VANGL1: variants seen among roughly 807,000 people sequenced by gnomAD.
VANGL1 encodes vang-like protein 1.
In VANGL1, 18 loss-of-function variants were observed where a neutral mutation model predicts 48.4. The ratio of observed to expected loss-of-function variants is 0.37; its 90% CI spans 0.26 to 0.55. The LOEUF (loss-of-function observed/expected upper bound fraction) is 0.55, where lower values mean the gene tolerates loss of function less well. Ranked by LOEUF, VANGL1 falls within the 20% of genes least tolerant of loss-of-function variation. VANGL1 has a pLI of 0.81. For synonymous variants in VANGL1, 257 were observed against 261.8 expected, an observed-to-expected ratio of 0.98 and a Z score of 0.18; for missense variants, 667 against 675.8, an observed-to-expected ratio of 0.99 and a Z score of 0.14.
At chr1:115,682,599 C>A in intron 5 of VANGL1, 102 bp downstream of exon 5, 2 of 1,537,872 alleles carry the variant, frequency 1.3e-6, no homozygotes, top group South Asian at 2.3e-5. Context: ...CTGGGCCTAC[C>A]TTTATGGTAC....
At chr1:115,684,549 A>G (rs756689709) in intron 6 of VANGL1, among the ~76,000 whole-genome samples, 14 of 152,168 alleles carry the variant, frequency 9.2e-5, no homozygotes, top group Admixed American at 4.6e-4. Flanking sequence ...TGTTTCTCAA[A>G]CTGAAGCCTG....
chr1:115,686,852 C>G (rs555429786), intron 7 of VANGL1, among the ~76,000 whole-genome samples: 4 of 151,730 alleles, frequency 2.6e-5, no homozygotes, highest in African/African-American at 2.4e-5. Flanking sequence ...TTCCTCTACA[C>G]TTGTTTACTG....
At chr1:115,650,326 GACAGA>G (rs1652093664) in intron 1 of VANGL1, among the ~76,000 whole-genome samples, 1 of 152,194 alleles carries the variant, frequency 6.6e-6, no homozygotes, top group African/African-American at 2.4e-5. Flanking sequence ...TGCAGAAAGA[GACAGA>G]ACTTGTGGAT....
chr1:115,658,000 C>T (rs1652411236), intron 2 of VANGL1, among the ~76,000 whole-genome samples: 1 of 152,204 alleles, frequency 6.6e-6, no homozygotes, highest in Non-Finnish European at 1.5e-5. Context: ...CATGAGGGGT[C>T]TGTCCCCATG....
At chr1:115,653,432 T>C (rs909214743) in intron 2 of VANGL1, among the ~76,000 whole-genome samples, 7 of 152,232 alleles carry the variant, frequency 4.6e-5, no homozygotes, top group Non-Finnish European at 1.0e-4. Context: ...ATACCAATTT[T>C]GTTTAGCACT....
At chr1:115,645,006 T>C (rs1292956210) in intron 1 of VANGL1, among the ~76,000 whole-genome samples, 2 of 152,190 alleles carry the variant, frequency 1.3e-5, no homozygotes, top group Non-Finnish European at 2.9e-5. Context: ...GCCCAGCAGA[T>C]CCTCACATCA....
intron 2 of VANGL1, among the ~76,000 whole-genome samples, chr1:115,652,390 G>A (rs980216991): frequency 6.6e-6 from 1 of 152,206 alleles, no homozygotes; most frequent in African/African-American, 2.4e-5. Flanking sequence ...AGGTGGCACT[G>A]TACCAGTTAG....
chr1:115,642,128 C>G (rs1171737088), intron 1 of VANGL1, 42 bp downstream of exon 1: 1 of 151,732 alleles, frequency 6.6e-6, no homozygotes, highest in Non-Finnish European at 1.5e-5. Flanking sequence ...GCGGCGGTCC[C>G]CGGGGCAGAC....
At chr1:115,647,980 A>G (rs532488278) in intron 1 of VANGL1, among the ~76,000 whole-genome samples, 1 of 152,342 alleles carries the variant, frequency 6.6e-6, no homozygotes, top group African/African-American at 2.4e-5. Context: ...GCTGTGTTCA[A>G]GGAGCTTCTG....
At position 115,689,836 on chromosome 1, in the gene VANGL1, A is replaced by G. The variant is rs1328891781; in HGVS notation, c.1315-1283A>G. Among the ~76,000 whole-genome samples the G allele has an allele frequency of 3.7e-5, 5 of 136,498 alleles. 1 individual carries two copies. The highest frequency in any genetic ancestry group is 8.0e-5 in the Non-Finnish European group (5 of 62,726). 89.5% of individuals were successfully genotyped at this position (136,498 alleles called of 152,430 possible). A position where few individuals can be genotyped will look rare whatever the true frequency, so the allele number is the denominator to read the frequency against. On this transcript the variant is annotated intron_variant, in intron 7 of 7. Transcript: ENST00000355485. The stretch of plus-strand genomic sequence containing the variant: ...CCAGGTGTGGTGACACATGCCTCTA[A>G]TCCCAGCTACTTAGGAGGCTGAGGC...
rs1451797845 is a variant in VANGL1, at chr1:115,671,562, T to G, written c.812+7294T>G. ...CGAGTCCATATCTAAATCTTTTTCTTAGAGCACCCTAAGCAGGCTGCTGTC... is the reference window on the plus strand; with the variant it reads ...CGAGTCCATATCTAAATCTTTTTCTGAGAGCACCCTAAGCAGGCTGCTGTC... On this transcript the variant is annotated intron_variant, in intron 4 of 7. Coordinates refer to ENST00000355485, the MANE Select transcript of VANGL1 (RefSeq NM_138959.3). Among the ~76,000 whole-genome samples the G allele has an allele frequency of 3.3e-5, 5 of 152,204 alleles. No individual in the cohort carries two copies. In the East Asian group the frequency reaches 9.6e-4, roughly 29 times the overall value.
rs550249086 is a variant in VANGL1 at position 115,660,670 on chromosome 1, G to T, written c.204+897G>T. ...AGCCTTGCCCCTCATAAACAAAGTG[G>T]TGTATGATACACAGCTGTAAAGATA... On this transcript the variant is annotated intron_variant, in intron 3 of 7. Coordinates refer to ENST00000355485, the MANE Select transcript of VANGL1 (RefSeq NM_138959.3). Among the ~76,000 whole-genome samples, 29 of 152,252 alleles carry T rather than the reference G, an allele frequency of 1.9e-4. No individual in the cohort carries two copies. The East Asian group carries it at 2.7e-3, about 14-fold the overall frequency.
chr1:115,653,912 C>T (rs1176790731), intron 2 of VANGL1, among the ~76,000 whole-genome samples: 2 of 152,158 alleles, frequency 1.3e-5, no homozygotes, highest in Non-Finnish European at 2.9e-5. Context: ...CTTTAAAAAA[C>T]ACCACTACCA....
intron 7 of VANGL1, among the ~76,000 whole-genome samples, chr1:115,689,828 T>G (rs756032051): frequency 7.3e-6 from 1 of 136,456 alleles, no homozygotes; most frequent in Non-Finnish European, 1.6e-5. Flanking sequence ...TGGTGACACA[T>G]GCCTCTAATC....
In VANGL1 at chr1:115,678,316, G is replaced by A. The variant is rs148249457; in HGVS notation, c.813-4048G>A. Among the ~76,000 whole-genome samples, 509 of 152,338 alleles carry A rather than the reference G, an allele frequency of 3.3e-3. 3 individuals carry two copies. Among genetic ancestry groups the A allele is most frequent in the African/African-American group, 0.011 (469 of 41,572 alleles). ...CCTTCCATATTTGGAGGGTGGAGAG[G>A]AATCAAGGCAAGAGGAATGCTGGGC... is the stretch of plus-strand genomic sequence containing the variant. On this transcript the variant is annotated intron_variant, in intron 4 of 7. Coordinates refer to ENST00000355485, the MANE Select transcript of VANGL1 (RefSeq NM_138959.3).
At chr1:115,685,622 C>A in intron 7 of VANGL1, 95 bp downstream of exon 7, 2 of 1,230,310 alleles carry the variant, frequency 1.6e-6, no homozygotes, top group Non-Finnish European at 2.3e-6. Context: ...GTGATAAAAT[C>A]GAAAGGCATC....
At chr1:115,657,332 G>C (rs1392328432) in intron 2 of VANGL1, among the ~76,000 whole-genome samples, 1 of 152,156 alleles carries the variant, frequency 6.6e-6, no homozygotes, top group Non-Finnish European at 1.5e-5. Flanking sequence ...TCAACACGGT[G>C]CACCATAGTA....
In VANGL1 at chr1:115,691,555, T is replaced by C. The variant is rs1447707393; in HGVS notation, c.*176T>C. Reference sequence around the variant, plus strand: ...TTTATTTGGAAGGAAGCAGGGGCTGTCCACCCTGAAAAAGAGTGACTGATG... The same window carrying C: ...TTTATTTGGAAGGAAGCAGGGGCTGCCCACCCTGAAAAAGAGTGACTGATG... On this transcript the variant is annotated 3_prime_UTR_variant, in exon 8 of 8. Coordinates refer to ENST00000355485, the MANE Select transcript of VANGL1 (RefSeq NM_138959.3). 2 of 701,416 alleles carry C rather than the reference T, an allele frequency of 2.9e-6. No individual in the cohort carries two copies. The highest frequency in any genetic ancestry group is 3.6e-5 in the African/African-American group (2 of 55,494). The allele number at this position is 701,416 out of a possible 1,614,324, so 43.4% of individuals were successfully genotyped here.
intron 4 of VANGL1, among the ~76,000 whole-genome samples, chr1:115,682,010 G>T (rs970765001): frequency 1.3e-5 from 2 of 152,180 alleles, no homozygotes; most frequent in African/African-American, 4.8e-5. Flanking sequence ...CCCTTTTGGG[G>T]GCATCCTCAG....
Sources: gnomAD v4.1 joint callset for allele counts (sites outside exome capture counted in the v4.1 genomes callset) on GRCh38, gnomAD v4.1.1 for gene constraint, MANE v1.5 for transcripts, NCBI Gene and HGNC (gene_info 2026-07-23, HGNC 2026-07-21) for gene names.